CAV1: variants seen among roughly 807,000 people sequenced by gnomAD.
The protein encoded by CAV1 is caveolin 1, also known as caveolin-1.
CAV1 carries 10 observed loss-of-function variants against 16.5 expected under a neutral mutation model. That is an observed-to-expected ratio of 0.61 (90% CI 0.37 to 1.03). The LOEUF is 1.03. CAV1 is among the 50% of genes least tolerant of loss of function. The pLI, the probability that CAV1 is intolerant of heterozygous loss-of-function variation, is 0.01. For synonymous variants in CAV1, 76 were observed against 85.1 expected (o/e 0.89, Z 0.59); for missense variants, 212 against 232.8 (o/e 0.91, Z 0.58).
intron 2 of CAV1, among the ~76,000 whole-genome samples, chr7:116,542,169 C>T (rs979190974): frequency 6.6e-6 from 1 of 152,194 alleles, no homozygotes; most frequent in Non-Finnish European, 1.5e-5. Context: ...CAAGCCTGCC[C>T]ATCCACTCCC....
intron 1 of CAV1, 127 bp downstream of exon 1, chr7:116,525,219 G>A: frequency 6.2e-7 from 1 of 1,612,730 alleles, no homozygotes; most frequent in Non-Finnish European, 8.5e-7. Context: ...CACTCCTCTG[G>A]CGTTGGCACC....
chr7:116,525,292 T>A (rs1305709793), intron 1 of CAV1, 200 bp downstream of exon 1: 1 of 1,559,282 alleles, frequency 6.4e-7, no homozygotes, highest in Non-Finnish European at 8.7e-7. Flanking sequence ...GTTTTCCTAA[T>A]GGAGAGGGGG....
In CAV1 at chr7:116,527,801, TC is replaced by T. The variant is rs66613450; in HGVS notation, c.195+1113del. Among the ~76,000 whole-genome samples, 1,506 of 152,152 alleles carry T rather than the reference TC, an allele frequency of 9.9e-3. 30 individuals are homozygous for T. The highest frequency in any genetic ancestry group is 0.035 in the African/African-American group (1,435 of 41,518). ...ATCTATGGATGGGAGGAGCTATAGT[TC>T]ACAAACCGTTTACATTCATGAATAA... On this transcript the variant is annotated intron_variant, in intron 2 of 2. Transcript: ENST00000341049.
At chr7:116,532,058 C>A (rs931944090) in intron 2 of CAV1, among the ~76,000 whole-genome samples, 5 of 152,146 alleles carry the variant, frequency 3.3e-5, no homozygotes, top group Non-Finnish European at 7.4e-5. Context: ...TAACTGCAAT[C>A]AAAAAACTTC....
At chr7:116,528,482 A>G (rs1189482123) in intron 2 of CAV1, among the ~76,000 whole-genome samples, 1 of 152,196 alleles carries the variant, frequency 6.6e-6, no homozygotes, top group African/African-American at 2.4e-5. Flanking sequence ...CTACTTGCTC[A>G]TAGAACTGTG....
At chr7:116,540,212 T>A (rs1379485762) in intron 2 of CAV1, among the ~76,000 whole-genome samples, 1 of 152,210 alleles carries the variant, frequency 6.6e-6, no homozygotes, top group East Asian at 1.9e-4. Flanking sequence ...CTCATAGATC[T>A]CAGATCTCTT....
At chr7:116,534,392 TATA>T (rs1182530951) in intron 2 of CAV1, among the ~76,000 whole-genome samples, 39 of 13,818 alleles carry the variant, frequency 2.8e-3, no homozygotes, top group African/African-American at 0.012. Context: ...TATATATATA[TATA>T]TTTTTTTTTT....
chr7:116,559,306 A>C lies in CAV1; in HGVS notation c.*19A>C. ...AATATAAATGACATTTCAAGGATAG[A>C]AGTATACCTGATTTTTTTTCCTTTT... On this transcript the variant is annotated 3_prime_UTR_variant, in exon 3 of 3. Coordinates refer to ENST00000341049, the MANE Select transcript of CAV1 (RefSeq NM_001753.5). 1.3e-6 allele frequency: 2 copies of C among 1,582,896 alleles called. No individual in the cohort carries two copies. The highest frequency in any genetic ancestry group is 1.7e-6 in the Non-Finnish European group (2 of 1,152,192).
At chr7:116,532,299 A>G (rs1793702180) in intron 2 of CAV1, among the ~76,000 whole-genome samples, 2 of 152,238 alleles carry the variant, frequency 1.3e-5, no homozygotes, top group Non-Finnish European at 2.9e-5. Context: ...ACTCAAGTCC[A>G]TAAAATAACA....
At chr7:116,558,850 A>G in intron 2 of CAV1, 96 bp from the exon 3 acceptor site, 1 of 909,526 alleles carries the variant, frequency 1.1e-6, no homozygotes, top group Non-Finnish European at 1.8e-6. Flanking sequence ...GAACTCATAA[A>G]TGCTAATACA....
intron 1 of CAV1, 197 bp from the exon 2 acceptor site, chr7:116,526,328 C>T: frequency 6.9e-7 from 1 of 1,452,230 alleles, no homozygotes; most frequent in Non-Finnish European, 9.1e-7. Flanking sequence ...CTGCGAGATC[C>T]TCTTAAAAAG....
rs1261029664 is a variant in CAV1 at position 116,561,004 on chromosome 7, CTG to C, written c.*1721_*1722del. ...ATGGCTTTGTGATTCAATCTGTAAA[CTG>C]TGTATTCCAAGACATGTCTGTTCTA... On this transcript the variant is annotated 3_prime_UTR_variant, in exon 3 of 3. Coordinates refer to ENST00000341049, the MANE Select transcript of CAV1 (RefSeq NM_001753.5). 2.0e-5 allele frequency: 3 copies of C among 152,546 alleles called. No homozygotes were observed. The highest frequency in any genetic ancestry group is 4.4e-5 in the Non-Finnish European group (3 of 68,020). 9.4% of individuals were successfully genotyped at this position (152,546 alleles called of 1,614,324 possible).
intron 2 of CAV1, among the ~76,000 whole-genome samples, chr7:116,546,574 G>A (rs962174720): frequency 2.0e-5 from 3 of 151,808 alleles, no homozygotes; most frequent in African/African-American, 7.3e-5. Flanking sequence ...GCGGATGCCT[G>A]TAATCCCAGC....
intron 1 of CAV1, chr7:116,525,392 G>T: frequency 3.3e-6 from 5 of 1,509,036 alleles, no homozygotes; most frequent in Non-Finnish European, 4.5e-6. Context: ...TTTTCTGGAT[G>T]GGTCTAGGAT....
At chr7:116,537,009 C>CAAAA (rs753949130) in intron 2 of CAV1, among the ~76,000 whole-genome samples, 11 of 61,338 alleles carry the variant, frequency 1.8e-4, no homozygotes, top group South Asian at 8.7e-4. Flanking sequence ...GACTCCGTCT[C>CAAAA]AAAAAAAAAA....
intron 2 of CAV1, among the ~76,000 whole-genome samples, chr7:116,534,370 T>G (rs1454771007): frequency 1.3e-4 from 2 of 15,048 alleles, no homozygotes; most frequent in South Asian, 5.2e-3. Context: ...CAGATATATA[T>G]ATATATATAT....
rs765415898 is a variant in CAV1 at position 116,559,948 on chromosome 7, T to C, written c.*661T>C. 12 of 397,902 alleles carry C rather than the reference T, an allele frequency of 3.0e-5. No homozygotes were observed. The highest frequency in any genetic ancestry group is 2.5e-4 in the East Asian group (7 of 28,068). The allele number at this position is 397,902 out of a possible 1,614,324, so 24.6% of individuals were successfully genotyped here. On this transcript the variant is annotated 3_prime_UTR_variant, in exon 3 of 3. Transcript: ENST00000341049. ...TGTAGATAACAAGACCTCAGTGCCT[T>C]CCTGTTTTTCACATTTTCCTTTTCA...
At position 116,559,445 on chromosome 7, in the gene CAV1, T is replaced by C. The variant is rs1794360707; in HGVS notation, c.*158T>C. 1 of 640,870 alleles carries C rather than the reference T, an allele frequency of 1.6e-6. No homozygotes were observed. 39.7% of individuals were successfully genotyped at this position (640,870 alleles called of 1,614,324 possible). ...ACTTTCTCAGTTTTCATAAGTATTA[T>C]GTCTCTTCTGAGCTATTTCATCTAT... On this transcript the variant is annotated 3_prime_UTR_variant, in exon 3 of 3. Transcript: ENST00000341049.
At chr7:116,552,221 T>G (rs1360595341) in intron 2 of CAV1, among the ~76,000 whole-genome samples, 1 of 152,186 alleles carries the variant, frequency 6.6e-6, no homozygotes, top group Admixed American at 6.5e-5. Context: ...TTTTTCCAGA[T>G]GAAAAGAATA....
Sources: allele counts gnomAD v4.1 joint callset (sites outside exome capture counted in the v4.1 genomes callset), GRCh38; gene constraint gnomAD v4.1.1; transcripts MANE v1.5; gene names NCBI Gene and HGNC (gene_info 2026-07-23, HGNC 2026-07-21).